LRMDA: variants seen among roughly 807,000 people sequenced by gnomAD.
LRMDA encodes the protein leucine-rich melanocyte differentiation-associated protein.
In LRMDA, 18 loss-of-function variants were observed where a neutral mutation model predicts 29.8. The observed-to-expected ratio is 0.60, with a 90% CI of 0.42 to 0.90. The LOEUF (loss-of-function observed/expected upper bound fraction) is 0.90, where lower values mean the gene tolerates loss of function less well. LRMDA is among the 40% of genes least tolerant of loss of function. The probability of loss-of-function intolerance (pLI) is 0.00; values close to 1 mark genes in which losing one functional copy is unlikely to be tolerated. For synonymous variants in LRMDA, 125 were observed against 109.4 expected (o/e 1.14, Z -0.89); for missense variants, 273 against 273.9 (o/e 1.00, Z 0.02).
intron 2 of LRMDA, among the ~76,000 whole-genome samples, chr10:75,727,970 A>T (rs995977606): frequency 6.6e-6 from 1 of 152,204 alleles, no homozygotes; most frequent in African/African-American, 2.4e-5. Flanking sequence ...ATAAAGGGAA[A>T]AAGGGAAAGA....
intron 6 of LRMDA, among the ~76,000 whole-genome samples, chr10:76,531,951 C>A (rs115751074): frequency 2.3e-4 from 35 of 152,264 alleles, no homozygotes; most frequent in African/African-American, 8.4e-4. Flanking sequence ...CATTCAATTT[C>A]TTTAATAGAC....
chr10:76,310,721 T>G (rs565804687), intron 5 of LRMDA, among the ~76,000 whole-genome samples: 13 of 152,336 alleles, frequency 8.5e-5, no homozygotes, highest in Admixed American at 7.8e-4. Flanking sequence ...GCCATATTTT[T>G]GGTTAAAAGG....
At chr10:76,310,481 G>A (rs16933244) in intron 5 of LRMDA, among the ~76,000 whole-genome samples, 92,917 of 151,650 alleles carry the variant, frequency 0.61, 32,046 homozygotes, top group Non-Finnish European at 0.81. Flanking sequence ...TCTCAAAAGA[G>A]GTATTTTTTC....
At chr10:76,118,971 G>T (rs991211723) in intron 5 of LRMDA, among the ~76,000 whole-genome samples, 1 of 151,154 alleles carries the variant, frequency 6.6e-6, no homozygotes. Flanking sequence ...AAGGGCGCAG[G>T]CCAATCTGCC....
intron 6 of LRMDA, among the ~76,000 whole-genome samples, chr10:76,518,123 C>T (rs551297981): frequency 6.6e-6 from 1 of 151,682 alleles, no homozygotes; most frequent in African/African-American, 2.4e-5. Context: ...ATAAATAAAC[C>T]CAACTATATA....
chr10:76,405,402 C>T (rs1460733926), intron 6 of LRMDA, among the ~76,000 whole-genome samples: 1 of 152,114 alleles, frequency 6.6e-6, no homozygotes, highest in Non-Finnish European at 1.5e-5. Context: ...GTATGGTGCC[C>T]AGGTGTGTTT....
chr10:75,732,233 C>A (rs541801064), intron 2 of LRMDA, among the ~76,000 whole-genome samples: 6 of 152,238 alleles, frequency 3.9e-5, no homozygotes, highest in African/African-American at 1.4e-4. Flanking sequence ...TGGTGTAAAT[C>A]TGGATACCTA....
chr10:75,802,614 GTT>G (rs565863144), intron 2 of LRMDA, among the ~76,000 whole-genome samples: 1 of 148,562 alleles, frequency 6.7e-6, no homozygotes, highest in Admixed American at 6.7e-5. Context: ...GGGTAGTGTT[GTT>G]TTTTTTTTCT....
At chr10:76,351,726 C>T (rs1441145083) in intron 6 of LRMDA, among the ~76,000 whole-genome samples, 2 of 150,970 alleles carry the variant, frequency 1.3e-5, no homozygotes, top group African/African-American at 4.9e-5. Flanking sequence ...AAAAAAGCCC[C>T]TGTGAGATAG....
intron 2 of LRMDA, among the ~76,000 whole-genome samples, chr10:75,473,045 A>G (rs1263448156): frequency 6.6e-6 from 1 of 152,228 alleles, no homozygotes; most frequent in African/African-American, 2.4e-5. Flanking sequence ...GGTCTGTGCA[A>G]CAGTTCTAGA....
chr10:76,216,073 G>A (rs1419911617), intron 5 of LRMDA, among the ~76,000 whole-genome samples: 1 of 152,220 alleles, frequency 6.6e-6, no homozygotes, highest in Non-Finnish European at 1.5e-5. Flanking sequence ...AAAGGCAGGG[G>A]CCAAATGTGG....
At chr10:76,273,531 T>A (rs757241234) in intron 5 of LRMDA, among the ~76,000 whole-genome samples, 18 of 152,226 alleles carry the variant, frequency 1.2e-4, no homozygotes, top group Admixed American at 3.9e-4. Flanking sequence ...TGCTTGTGTG[T>A]AAGTTTCCTA....
chr10:76,148,090 C>T (rs912299456), intron 5 of LRMDA, among the ~76,000 whole-genome samples: 7 of 152,188 alleles, frequency 4.6e-5, no homozygotes, highest in African/African-American at 1.2e-4. Context: ...TGTCAGTCTG[C>T]CCCTACTGGG....
intron 2 of LRMDA, among the ~76,000 whole-genome samples, chr10:75,934,700 C>T (rs576701828): frequency 7.9e-5 from 12 of 152,250 alleles, no homozygotes; most frequent in Middle Eastern, 6.8e-3. Context: ...CGGTCAGTGC[C>T]TGCAAATGGT....
At chr10:76,435,859 A>G (rs1842239511) in intron 6 of LRMDA, among the ~76,000 whole-genome samples, 2 of 152,380 alleles carry the variant, frequency 1.3e-5, no homozygotes, top group Admixed American at 6.5e-5. Context: ...GCTAACACTT[A>G]TCTTTCTGGC....
chr10:76,093,502 T>G (rs148323471), intron 5 of LRMDA, among the ~76,000 whole-genome samples: 1 of 152,196 alleles, frequency 6.6e-6, no homozygotes, highest in East Asian at 1.9e-4. Context: ...TCATTGATCC[T>G]TTAAAAATAA....
chr10:76,199,021 G>A (rs1851380513), intron 5 of LRMDA, among the ~76,000 whole-genome samples: 1 of 152,036 alleles, frequency 6.6e-6, no homozygotes, highest in Non-Finnish European at 1.5e-5. Context: ...TTCATTCACA[G>A]CCAAAATAAA....
At chr10:75,511,431 C>T (rs1845225118) in intron 2 of LRMDA, among the ~76,000 whole-genome samples, 1 of 152,150 alleles carries the variant, frequency 6.6e-6, no homozygotes, top group South Asian at 2.1e-4. Flanking sequence ...GGACTGTGAG[C>T]CCGTTTCCTC....
intron 2 of LRMDA, among the ~76,000 whole-genome samples, chr10:75,494,017 G>A (rs989188412): frequency 6.6e-6 from 1 of 152,086 alleles, no homozygotes. Flanking sequence ...GCCTCCTGAA[G>A]TGTTGGGATT....
Sources: allele counts gnomAD v4.1 joint callset (sites outside exome capture counted in the v4.1 genomes callset), GRCh38; gene constraint gnomAD v4.1.1; transcripts MANE v1.5; gene names NCBI Gene and HGNC (gene_info 2026-07-23, HGNC 2026-07-21).